KDM3B: variants seen among roughly 807,000 people sequenced by gnomAD.
KDM3B encodes the protein lysine-specific demethylase 3B.
In KDM3B, 10 loss-of-function variants were observed where a neutral mutation model predicts 170.0. The ratio of observed to expected loss-of-function variants is 0.06; its 90% CI spans 0.04 to 0.10. The LOEUF (loss-of-function observed/expected upper bound fraction) is 0.10, where lower values mean the gene tolerates loss of function less well. KDM3B is among the 10% of genes least tolerant of loss of function. KDM3B has a pLI of 1.00. For synonymous variants in KDM3B, 831 were observed against 834.8 expected, an observed-to-expected ratio of 1.00 and a Z score of 0.08; for missense variants, 1,394 against 2,195.2, an observed-to-expected ratio of 0.64 and a Z score of 7.29.
chr5:138,384,504 G>A (rs1407591490), intron 6 of KDM3B, among the ~76,000 whole-genome samples: 1 of 152,020 alleles, frequency 6.6e-6, no homozygotes, highest in Non-Finnish European at 1.5e-5. Flanking sequence ...TTGGGAGGCT[G>A]AGGTGGGTAG....
chr5:138,407,343 C>A (rs1169016132), intron 11 of KDM3B, among the ~76,000 whole-genome samples: 1 of 152,144 alleles, frequency 6.6e-6, no homozygotes, highest in East Asian at 1.9e-4. Flanking sequence ...AAAACACAAA[C>A]CATCAAAATT....
intron 7 of KDM3B, among the ~76,000 whole-genome samples, chr5:138,389,778 CTCTCTG>C (rs1195469037): frequency 6.7e-5 from 8 of 120,072 alleles, no homozygotes. Context: ...CTCTCTCTCT[CTCTCTG>C]TGTGTGTGTG....
At chr5:138,412,962 A>G (rs763065425) in intron 11 of KDM3B, among the ~76,000 whole-genome samples, 2 of 152,230 alleles carry the variant, frequency 1.3e-5, no homozygotes, top group African/African-American at 4.8e-5. Flanking sequence ...AGGTTTGAAC[A>G]GATACGTCAC....
intron 9 of KDM3B, among the ~76,000 whole-genome samples, chr5:138,396,295 C>G (rs1054041169): frequency 6.6e-6 from 1 of 152,044 alleles, no homozygotes; most frequent in Non-Finnish European, 1.5e-5. Context: ...CAGGGTTTCA[C>G]CGTGTTAGCC....
At chr5:138,413,807 A>AT (rs1561787366) in intron 11 of KDM3B, among the ~76,000 whole-genome samples, 2 of 151,798 alleles carry the variant, frequency 1.3e-5, no homozygotes, top group South Asian at 2.1e-4. Flanking sequence ...CTAATTTTTA[A>AT]TTTTTTTACC....
intron 7 of KDM3B, among the ~76,000 whole-genome samples, chr5:138,390,493 T>C (rs946397088): frequency 7.9e-5 from 12 of 152,194 alleles, no homozygotes; most frequent in Admixed American, 6.5e-4. Flanking sequence ...GAAAACACTT[T>C]TCTTTAACGT....
intron 5 of KDM3B, among the ~76,000 whole-genome samples, chr5:138,381,047 T>G (rs1027725394): frequency 1.3e-5 from 2 of 152,236 alleles, no homozygotes; most frequent in East Asian, 3.9e-4. Context: ...TAATTTTTTG[T>G]ATTTTTAGTA....
chr5:138,360,029 G>A (rs954616977), intron 1 of KDM3B, among the ~76,000 whole-genome samples: 2 of 152,056 alleles, frequency 1.3e-5, no homozygotes, highest in Non-Finnish European at 2.9e-5. Context: ...CCTTTCCTCT[G>A]TCTCAGGGTG....
chr5:138,371,499 G>A (rs1761874764), intron 1 of KDM3B, among the ~76,000 whole-genome samples: 1 of 149,700 alleles, frequency 6.7e-6, no homozygotes, highest in African/African-American at 2.5e-5. Context: ...ATATTTATTA[G>A]AAAAATGTAG....
chr5:138,399,765 C>G, intron 10 of KDM3B, 95 bp from the exon 11 acceptor site: 1 of 1,125,374 alleles, frequency 8.9e-7, no homozygotes, highest in Non-Finnish European at 1.3e-6. Flanking sequence ...AGTTTTATTG[C>G]TGAACAAAAT....
chr5:138,423,090 C>T (rs996283502), intron 15 of KDM3B, among the ~76,000 whole-genome samples: 1 of 152,150 alleles, frequency 6.6e-6, no homozygotes, highest in African/African-American at 2.4e-5. Context: ...ACTACAGGCA[C>T]GTGCCACCAC....
intron 7 of KDM3B, among the ~76,000 whole-genome samples, chr5:138,388,482 AT>A (rs1473303394): frequency 2.6e-5 from 4 of 151,902 alleles, no homozygotes; most frequent in African/African-American, 4.8e-5. Flanking sequence ...AATACAAAAA[AT>A]TAGCTGGGCG....
chr5:138,373,975 C>G (rs1297039837), intron 2 of KDM3B, among the ~76,000 whole-genome samples: 1 of 151,990 alleles, frequency 6.6e-6, no homozygotes. Flanking sequence ...ACTGTCTTTT[C>G]TTTTTCTTTT....
At chr5:138,353,229 A>G (rs998190786) in intron 1 of KDM3B, among the ~76,000 whole-genome samples, 152 of 152,244 alleles carry the variant, frequency 1.0e-3, no homozygotes, top group Non-Finnish European at 8.8e-5. Flanking sequence ...TGCTGCTTGC[A>G]GCCAGCAGGC....
At position 138,377,923 on chromosome 5, in the gene KDM3B, C is replaced by T. The variant is rs530846684; in HGVS notation, c.580+98C>T. 4.6e-6 allele frequency: 3 copies of T among 658,576 alleles called. No homozygotes were observed. The East Asian group carries it at 9.7e-5, about 21-fold the overall frequency. The allele number at this position is 658,576 out of a possible 1,614,324, so 40.8% of individuals were successfully genotyped here. ...TCCCATGCAACCTTAAACATTTGTA[C>T]TTATCTCCTTTTTGTGGGCAGAGTC... is the stretch of plus-strand genomic sequence containing the variant. On this transcript the variant is annotated intron_variant, in intron 4 of 23. Transcript: ENST00000314358.
intron 9 of KDM3B, 76 bp downstream of exon 9, chr5:138,393,448 T>C (rs1266428085): frequency 8.5e-7 from 1 of 1,182,390 alleles, no homozygotes; most frequent in African/African-American, 1.5e-5. Flanking sequence ...TCTGAGTCTA[T>C]AAACATGTTT....
In KDM3B at chr5:138,378,796, TATC is replaced by T. The variant is rs1220394923; in HGVS notation, c.581-785_581-783del. Among the ~76,000 whole-genome samples the T allele has an allele frequency of 2.8e-5, 4 of 144,196 alleles. No homozygotes were observed. In the South Asian group the frequency reaches 8.7e-4, roughly 31 times the overall value. 94.6% of individuals were successfully genotyped at this position (144,196 alleles called of 152,430 possible). ...GATACATATATATATAGATTATATA[TATC>T]ATGATATATATATATAGATATATAT... is the stretch of plus-strand genomic sequence containing the variant. On this transcript the variant is annotated intron_variant, in intron 4 of 23. Coordinates refer to ENST00000314358, the MANE Select transcript of KDM3B (RefSeq NM_016604.4).
At chr5:138,418,845 A>G (rs1763176509) in intron 13 of KDM3B, 108 bp from the exon 14 acceptor site, 1 of 1,046,674 alleles carries the variant, frequency 9.6e-7, no homozygotes, top group Non-Finnish European at 1.4e-6. Context: ...GCCAGTTTAC[A>G]TGACAGATTA....
At chr5:138,433,738 A>G (rs1763598664) in intron 23 of KDM3B, among the ~76,000 whole-genome samples, 1 of 151,700 alleles carries the variant, frequency 6.6e-6, no homozygotes, top group Non-Finnish European at 1.5e-5. Flanking sequence ...AGTATAATCA[A>G]CGTTGGTGTT....
Sources: gnomAD v4.1 joint callset for allele counts (sites outside exome capture counted in the v4.1 genomes callset) on GRCh38, gnomAD v4.1.1 for gene constraint, MANE v1.5 for transcripts, NCBI Gene and HGNC (gene_info 2026-07-23, HGNC 2026-07-21) for gene names.